The following CNOT4 variants were observed in gnomAD, a reference collection of about 807,000 sequenced individuals.
CNOT4 encodes CCR4-associated factor 4.
Under a neutral mutation model 73.8 loss-of-function variants are expected in CNOT4, and 8 were observed. The ratio of observed to expected loss-of-function variants is 0.11; its 90% CI spans 0.06 to 0.20. The LOEUF (loss-of-function observed/expected upper bound fraction) is 0.20, where lower values mean the gene tolerates loss of function less well. CNOT4 is among the 10% of genes least tolerant of loss of function. The pLI is 1.00. For missense variants in CNOT4, 564 were observed against 883.4 expected, an observed-to-expected ratio of 0.64 and a Z score of 4.58; for synonymous variants, 293 against 321.1, an observed-to-expected ratio of 0.91 and a Z score of 0.94.
chr7:135,408,797 G>A (rs1008999143), intron 7 of CNOT4, among the ~76,000 whole-genome samples: 6 of 152,110 alleles, frequency 3.9e-5, no homozygotes, highest in African/African-American at 1.4e-4. Flanking sequence ...GGCCCCAACT[G>A]GGAATCGATT....
chr7:135,436,607 A>G (rs1336935019), intron 2 of CNOT4, among the ~76,000 whole-genome samples: 1 of 151,324 alleles, frequency 6.6e-6, no homozygotes, highest in Non-Finnish European at 1.5e-5. Flanking sequence ...TTCTTAAACT[A>G]TATTAACTAC....
chr7:135,420,577 CAAAAAAA>C (rs71174521), intron 3 of CNOT4, among the ~76,000 whole-genome samples: 4 of 53,370 alleles, frequency 7.5e-5, no homozygotes, highest in Non-Finnish European at 1.1e-4. Flanking sequence ...ACCATGTCTC[CAAAAAAA>C]AAAAAAAAAA....
intron 1 of CNOT4, among the ~76,000 whole-genome samples, chr7:135,502,169 A>G (rs2129488185): frequency 6.6e-6 from 1 of 152,338 alleles, no homozygotes; most frequent in African/African-American, 2.4e-5. Flanking sequence ...GATTATAATT[A>G]TCCAGTCTGT....
intron 10 of CNOT4, among the ~76,000 whole-genome samples, chr7:135,384,106 C>G (rs188882782): frequency 6.7e-6 from 1 of 148,986 alleles, no homozygotes; most frequent in Non-Finnish European, 1.5e-5. Flanking sequence ...TCACAAAAGA[C>G]TTTTTTTTTT....
At chr7:135,424,873 C>T (rs1258086782) in intron 2 of CNOT4, among the ~76,000 whole-genome samples, 5 of 152,098 alleles carry the variant, frequency 3.3e-5, no homozygotes, top group African/African-American at 9.7e-5. Context: ...TCTAAAACAC[C>T]GATGCTCCAC....
At chr7:135,422,683 G>A (rs1798258196) in intron 2 of CNOT4, among the ~76,000 whole-genome samples, 1 of 152,104 alleles carries the variant, frequency 6.6e-6, no homozygotes, top group South Asian at 2.1e-4. Flanking sequence ...AAGGTGCTAT[G>A]TAAGAGGCAA....
intron 1 of CNOT4, among the ~76,000 whole-genome samples, chr7:135,502,816 CAAA>C (rs56358299): frequency 1.7e-5 from 1 of 59,148 alleles, no homozygotes. Flanking sequence ...AACTCCATCT[CAAA>C]AAAAAAAAAA....
At chr7:135,495,694 GAAAGA>G (rs1803491955) in intron 1 of CNOT4, among the ~76,000 whole-genome samples, 4 of 11,378 alleles carry the variant, frequency 3.5e-4, no homozygotes, top group African/African-American at 8.5e-4. Flanking sequence ...AAAAAAAAAA[GAAAGA>G]AAGAAAGAAA....
intron 1 of CNOT4, among the ~76,000 whole-genome samples, chr7:135,508,451 C>A (rs1457126503): frequency 6.6e-6 from 1 of 152,216 alleles, no homozygotes; most frequent in Non-Finnish European, 1.5e-5. Context: ...CTTTTCCCAG[C>A]CCCCTTCTTT....
chr7:135,499,704 C>T (rs757704395), intron 1 of CNOT4, among the ~76,000 whole-genome samples: 31 of 152,016 alleles, frequency 2.0e-4, no homozygotes, highest in Non-Finnish European at 2.9e-4. Flanking sequence ...TGAAGATATT[C>T]CCAAATACTA....
chr7:135,417,969 GTTAC>G (rs1175669156), intron 3 of CNOT4, among the ~76,000 whole-genome samples: 2 of 152,142 alleles, frequency 1.3e-5, no homozygotes, highest in Non-Finnish European at 2.9e-5. Context: ...TTCTCATATT[GTTAC>G]TTTCGTAAAA....
At chr7:135,506,852 A>AAAAAG (rs534034794) in intron 1 of CNOT4, among the ~76,000 whole-genome samples, 5 of 152,076 alleles carry the variant, frequency 3.3e-5, no homozygotes, top group Non-Finnish European at 7.4e-5. Context: ...TCTCAAAAAA[A>AAAAAG]AAAAGAAAAG....
intron 1 of CNOT4, among the ~76,000 whole-genome samples, chr7:135,458,799 T>C (rs1460793776): frequency 1.3e-5 from 2 of 152,056 alleles, no homozygotes; most frequent in African/African-American, 2.4e-5. Context: ...CATCTTGCTA[T>C]TTCTACCATA....
intron 2 of CNOT4, among the ~76,000 whole-genome samples, chr7:135,437,283 G>A (rs928445482): frequency 2.0e-4 from 30 of 151,920 alleles, no homozygotes; most frequent in Admixed American, 9.2e-4. Context: ...TCCGCCTTCC[G>A]GGTTCACGCC....
intron 7 of CNOT4, among the ~76,000 whole-genome samples, chr7:135,403,284 G>T (rs532734545): frequency 6.6e-6 from 1 of 152,048 alleles, no homozygotes; most frequent in Non-Finnish European, 1.5e-5. Context: ...GAGTCCCTAA[G>T]TAATTCTGAG....
In CNOT4 at chr7:135,437,222, C is replaced by T. The variant is rs537828337; in HGVS notation, c.174+936G>A. On this transcript the variant is annotated intron_variant, in intron 2 of 11. Transcript: ENST00000541284. ...TTCTTTTTTTTGAGACGGAGTCTCG[C>T]TCTGTTGCCCAGGCTGGAGTGCTGT... 9.4e-4 allele frequency among the ~76,000 whole-genome samples: 142 copies of T among 151,500 alleles called. 1 individual carries two copies. The highest frequency in any genetic ancestry group is 3.4e-3 in the African/African-American group (140 of 41,352).
At chr7:135,478,622 A>G (rs1353249557) in intron 1 of CNOT4, among the ~76,000 whole-genome samples, 1 of 152,050 alleles carries the variant, frequency 6.6e-6, no homozygotes, top group East Asian at 1.9e-4. Context: ...GGATCTCTTG[A>G]GCCCCAGGAG....
intron 1 of CNOT4, among the ~76,000 whole-genome samples, chr7:135,481,846 T>C (rs1332191067): frequency 2.0e-5 from 3 of 152,200 alleles, no homozygotes; most frequent in African/African-American, 7.2e-5. Context: ...AGACAAATAC[T>C]GCATGTTCTC....
chr7:135,484,063 C>T (rs1399869420), intron 1 of CNOT4, among the ~76,000 whole-genome samples: 2 of 151,974 alleles, frequency 1.3e-5, no homozygotes, highest in Non-Finnish European at 2.9e-5. Context: ...GACGTGGTGG[C>T]AGGCGCCTAT....
Sources: allele counts gnomAD v4.1 joint callset (sites outside exome capture counted in the v4.1 genomes callset), GRCh38; gene constraint gnomAD v4.1.1; transcripts MANE v1.5; gene names NCBI Gene and HGNC (gene_info 2026-07-23, HGNC 2026-07-21).